The following RSAD1 variants were observed in gnomAD, a reference collection of about 807,000 sequenced individuals.
RSAD1 encodes the protein radical S-adenosyl methionine domain containing 1, also known as radical S-adenosyl methionine domain-containing protein 1, mitochondrial.
In RSAD1, 34 loss-of-function variants were observed where a neutral mutation model predicts 46.2. That is an observed-to-expected ratio of 0.74 (90% CI 0.56 to 0.98). The LOEUF is 0.98. Among genes scored for constraint, RSAD1 ranks in the 50% least tolerant of loss-of-function variants. The pLI, the probability that RSAD1 is intolerant of heterozygous loss-of-function variation, is 0.00. For synonymous variants in RSAD1, 260 were observed against 253.5 expected, an observed-to-expected ratio of 1.03 and a Z score of -0.24; for missense variants, 635 against 592.3, an observed-to-expected ratio of 1.07 and a Z score of -0.75.
Position 50,482,172 on chromosome 17 carries a change from C to A in RSAD1, c.556C>A (p.Arg186Ser). 6.3e-7 allele frequency: 1 copy of A among 1,583,038 alleles called. No homozygotes were observed. The highest frequency in any genetic ancestry group is 1.1e-5 in the South Asian group (1 of 87,634). ...DALRTLAEAR[R>S]LFPGRVSVDL... ...TCTGCGGACGCTGGCAGAGGCCCGGCGCCTCTTTCCCGGGCGCGTGTCTGT... is the reference window on the plus strand; with the variant it reads ...TCTGCGGACGCTGGCAGAGGCCCGGAGCCTCTTTCCCGGGCGCGTGTCTGT... Residue 186 changes from arginine to serine, a missense_variant, in exon 4 of 9, where the codon CGC (arginine) becomes AGC (serine). By Grantham distance (110) the Arg-to-Ser change is moderately radical. Transcript: ENST00000258955.
intron 3 of RSAD1, among the ~76,000 whole-genome samples, 190 bp from the exon 4 acceptor site, chr17:50,481,901 A>C (rs996878360): frequency 1.3e-5 from 2 of 152,242 alleles, no homozygotes; most frequent in East Asian, 1.9e-4. Flanking sequence ...TAGACACTAC[A>C]TAAAGGTGCT....
At chr17:50,484,288 C>G in intron 7 of RSAD1, 154 bp from the exon 8 acceptor site, 1 of 635,844 alleles carries the variant, frequency 1.6e-6, no homozygotes, top group Non-Finnish European at 2.7e-6. Context: ...GCCCTCCTCC[C>G]TGCTGGCCCA....
chr17:50,484,320 G>A lies in RSAD1; in HGVS notation c.1108-122G>A, dbSNP rs2033422869. On this transcript the variant is annotated intron_variant, in intron 7 of 8. Transcript: ENST00000258955. ...CCCATTGGCCTGGTTCTGCTTTCATGCATGTCAGCTGCTGAGATCTCCATG... is the reference window on the plus strand; with the variant it reads ...CCCATTGGCCTGGTTCTGCTTTCATACATGTCAGCTGCTGAGATCTCCATG... 6.4e-6 allele frequency: 5 copies of A among 782,650 alleles called. No individual in the cohort carries two copies. The East Asian group carries it at 1.0e-4, about 16-fold the overall frequency. The allele number at this position is 782,650 out of a possible 1,614,324, so 48.5% of individuals were successfully genotyped here. A position where few individuals can be genotyped will look rare whatever the true frequency, so the allele number is the denominator to read the frequency against.
At chr17:50,481,673 A>AG (rs2033381237) in intron 3 of RSAD1, among the ~76,000 whole-genome samples, 1 of 152,174 alleles carries the variant, frequency 6.6e-6, no homozygotes, top group Non-Finnish European at 1.5e-5. Context: ...ATCAAGATGA[A>AG]GGTTTTTTTT....
chr17:50,480,052 G>C lies in RSAD1; in HGVS notation c.442G>C (p.Ala148Pro). Residue 148 changes from alanine to proline, a missense_variant, in exon 3 of 9, where the codon GCA becomes CCA. Ala to Pro is a conservative substitution (Grantham distance 27). Transcript: ENST00000258955. ...CTCCAGACTGGCAGAGTTCGGGGCA[G>C]CAGGGGTTAACAGGTTGTCTATAGG... ...PGSRLAEFGA[A>P]GVNRLSIGLQ... The C allele has an allele frequency of 6.2e-7, 1 of 1,614,134 alleles. No homozygotes were observed. Among genetic ancestry groups the C allele is most frequent in the Non-Finnish European group, 8.5e-7 (1 of 1,180,036 alleles).
In RSAD1 at chr17:50,485,004, AG is replaced by A. The variant is rs2033435790; in HGVS notation, c.*144del. The A allele has an allele frequency of 6.1e-6, 4 of 657,184 alleles. No homozygotes were observed. In the East Asian group the frequency reaches 7.9e-5, roughly 13 times the overall value. 40.7% of individuals were successfully genotyped at this position (657,184 alleles called of 1,614,324 possible). ...GCCCTGGCATCCCCAGGGGAATGGC[AG>A]CAGTGAGGTAGATGGGAGGACATTT... On this transcript the variant is annotated 3_prime_UTR_variant, in exon 9 of 9. Transcript: ENST00000258955.
rs1215156738 is a variant in RSAD1 at position 50,480,308 on chromosome 17, A to G, written c.474+224A>G. 4 of 571,178 alleles carry G rather than the reference A, an allele frequency of 7.0e-6. No homozygotes were observed. In the African/African-American group the frequency reaches 7.5e-5, roughly 11 times the overall value. The allele number at this position is 571,178 out of a possible 1,614,324, so 35.4% of individuals were successfully genotyped here. ...CAGGTGTGGCTTTTCTATTTCAAACACTTACCATAGTGCCTGGCACATAGT... is the reference window on the plus strand; with the variant it reads ...CAGGTGTGGCTTTTCTATTTCAAACGCTTACCATAGTGCCTGGCACATAGT... On this transcript the variant is annotated intron_variant, in intron 3 of 8. Coordinates refer to ENST00000258955, the MANE Select transcript of RSAD1 (RefSeq NM_018346.3).
At position 50,482,363 on chromosome 17, in the gene RSAD1, C is replaced by T. The variant is rs778194378; in HGVS notation, c.747C>T (p.Asp249=). 2 of 1,611,224 alleles carry T rather than the reference C, an allele frequency of 1.2e-6. No individual in the cohort carries two copies. Among genetic ancestry groups the T allele is most frequent in the South Asian group, 1.1e-5 (1 of 90,716 alleles). ...QVQRGALPAP[D]PELAAEMYQR... ...AGCGGGGTGCCCTTCCAGCCCCTGA[C>T]CCGGAGCTCGCAGCTGAGATGTACC... The change falls in exon 4 of 9, where the codon GAC becomes GAT. Residue 249 remains aspartate (D), a synonymous_variant. Transcript: ENST00000258955.
At chr17:50,482,574 G>A in intron 4 of RSAD1, 69 bp from the exon 5 acceptor site, 1 of 1,613,088 alleles carries the variant, frequency 6.2e-7, no homozygotes, top group Non-Finnish European at 8.5e-7. Context: ...TCTAACCTGG[G>A]GCCCCTTACC....
At chr17:50,479,358 G>T (rs1341655946) in intron 1 of RSAD1, 4 of 499,066 alleles carry the variant, frequency 8.0e-6, no homozygotes, top group Non-Finnish European at 1.4e-5. Flanking sequence ...AAAATTATAT[G>T]ATCCCAGAAA....
intron 8 of RSAD1, 53 bp downstream of exon 8, chr17:50,484,598 A>G: frequency 6.4e-7 from 1 of 1,573,050 alleles, no homozygotes; most frequent in Non-Finnish European, 8.7e-7. Flanking sequence ...GGGAGCCCTG[A>G]CTACAGCTCT....
Position 50,478,963 on chromosome 17 carries a change from G to T in RSAD1, c.79G>T (p.Ala27Ser). Residue 27 changes from alanine to serine, a missense_variant, in exon 1 of 9, where the codon GCA (alanine) becomes TCA (serine). Transcript: ENST00000258955. ...CCAGAGGCGCCGCCGCGTGGAGAAC[G>T]CAGGAGGGTCCCCGAGTCCTGAGCC... ...AAQRRRRVEN[A>S]GGSPSPEPAG... The T allele has an allele frequency of 7.1e-7, 1 of 1,402,130 alleles. No individual in the cohort carries two copies. The allele number at this position is 1,402,130 out of a possible 1,614,324, so 86.9% of individuals were successfully genotyped here. A position where few individuals can be genotyped will look rare whatever the true frequency, so the allele number is the denominator to read the frequency against.
chr17:50,484,112 A>G (rs1468562645), intron 7 of RSAD1: 3 of 434,804 alleles, frequency 6.9e-6, no homozygotes, highest in African/African-American at 2.0e-5. Flanking sequence ...TCTCATAGGA[A>G]GCACAGTAGA....
At chr17:50,481,079 T>G (rs999075146) in intron 3 of RSAD1, among the ~76,000 whole-genome samples, 5 of 152,206 alleles carry the variant, frequency 3.3e-5, no homozygotes, top group African/African-American at 4.8e-5. Context: ...TTTAAATTCA[T>G]TAAATTATTC....
chr17:50,483,601 G>C (rs2033412853), intron 6 of RSAD1, 105 bp from the exon 7 acceptor site: 1 of 1,591,024 alleles, frequency 6.3e-7, no homozygotes, highest in Non-Finnish European at 8.6e-7. Context: ...GCCACATACT[G>C]TATGGTCCCT....
Position 50,478,919 on chromosome 17 carries a change from C to T in RSAD1, c.35C>T (p.Ala12Val). The change falls in exon 1 of 9, where the codon GCG (alanine) becomes GTG (valine). Residue 12 changes from alanine to valine, a missense_variant. By Grantham distance (64) the Ala-to-Val change is moderately conservative. Coordinates refer to ENST00000258955, the MANE Select transcript of RSAD1 (RefSeq NM_018346.3). Reference sequence around the variant, plus strand: ...CCCGGAGCCCGGGCTCGCGGCTGGGCGGCAGCAGCCAGAGCGGCCCAGAGG... The same window carrying T: ...CCCGGAGCCCGGGCTCGCGGCTGGGTGGCAGCAGCCAGAGCGGCCCAGAGG... ...ALPGARARGW[A>V]AAARAAQRRR... 3 of 1,335,578 alleles carry T rather than the reference C, an allele frequency of 2.2e-6. No homozygotes were observed. Among genetic ancestry groups the T allele is most frequent in the Non-Finnish European group, 2.9e-6 (3 of 1,050,164 alleles). 82.7% of individuals were successfully genotyped at this position (1,335,578 alleles called of 1,614,324 possible).
At chr17:50,484,664 C>T (rs1201120410) in intron 8 of RSAD1, 80 bp from the exon 9 acceptor site, 1 of 1,519,912 alleles carries the variant, frequency 6.6e-7, no homozygotes. Flanking sequence ...CCTGCGGGTG[C>T]TGGGAGCTCG....
intron 3 of RSAD1, among the ~76,000 whole-genome samples, chr17:50,481,083 A>T (rs763816264): frequency 6.6e-6 from 1 of 152,214 alleles, no homozygotes; most frequent in Non-Finnish European, 1.5e-5. Context: ...AATTCATTAA[A>T]TTATTCATTT....
rs776714446 is a variant in RSAD1 at position 50,482,150 on chromosome 17, G to A, written c.534G>A (p.Leu178=). 3.8e-6 allele frequency: 6 copies of A among 1,591,236 alleles called. No individual in the cohort carries two copies. The highest frequency in any genetic ancestry group is 5.1e-6 in the Non-Finnish European group (6 of 1,165,780). The change falls in exon 4 of 9, where the codon CTG becomes CTA. Residue 178 remains leucine (L), a synonymous_variant. Transcript: ENST00000258955. Reference sequence around the variant, plus strand: ...GGACGCACTCGGCCTGCGATGCTCTGCGGACGCTGGCAGAGGCCCGGCGCC... The same window carrying A: ...GGACGCACTCGGCCTGCGATGCTCTACGGACGCTGGCAGAGGCCCGGCGCC... ...LGRTHSACDA[L]RTLAEARRLF...
Sources: allele counts gnomAD v4.1 joint callset (sites outside exome capture counted in the v4.1 genomes callset), GRCh38; gene constraint gnomAD v4.1.1; transcripts MANE v1.5; gene names NCBI Gene and HGNC (gene_info 2026-07-23, HGNC 2026-07-21).